The following PLCL1 variants were observed in gnomAD, a reference collection of about 807,000 sequenced individuals.
The protein encoded by PLCL1 is phospholipase C like 1 (inactive).
PLCL1 carries 41 observed loss-of-function variants against 84.4 expected under a neutral mutation model. The observed-to-expected ratio is 0.49, with a 90% CI of 0.38 to 0.63. PLCL1 has a LOEUF of 0.63. Among genes scored for constraint, PLCL1 ranks in the 30% least tolerant of loss-of-function variants. PLCL1 has a pLI of 0.00. For missense variants in PLCL1, 1,206 were observed against 1,367.8 expected (o/e 0.88, Z 1.87); for synonymous variants, 490 against 488.3 (o/e 1.00, Z -0.05).
rs190866964 is a variant in PLCL1 at position 197,918,387 on chromosome 2, G to T, written c.240+113048G>T. ...GGATGAGAGCCTGGAACAGAAAGAG[G>T]GCGTTAGGCAAAAACTAAGGAAATT... On this transcript the variant is annotated intron_variant, in intron 1 of 5. Coordinates refer to ENST00000428675, the MANE Select transcript of PLCL1 (RefSeq NM_006226.4). Among the ~76,000 whole-genome samples the T allele has an allele frequency of 2.0e-5, 3 of 151,986 alleles. No individual in the cohort carries two copies. In the South Asian group the frequency reaches 6.2e-4, roughly 32 times the overall value.
At chr2:197,873,806 G>A (rs1476454787) in intron 1 of PLCL1, among the ~76,000 whole-genome samples, 5 of 152,180 alleles carry the variant, frequency 3.3e-5, no homozygotes, top group Middle Eastern at 3.4e-3. Flanking sequence ...CAGATTTTTG[G>A]CACACCACAA....
intron 1 of PLCL1, among the ~76,000 whole-genome samples, chr2:197,908,484 A>T (rs1559042061): frequency 6.6e-6 from 1 of 152,206 alleles, no homozygotes; most frequent in Non-Finnish European, 1.5e-5. Context: ...GGAGTTATTC[A>T]CAACAAGTCT....
At chr2:198,104,182 C>G (rs976343298) in intron 5 of PLCL1, among the ~76,000 whole-genome samples, 1 of 151,898 alleles carries the variant, frequency 6.6e-6, no homozygotes, top group Non-Finnish European at 1.5e-5. Flanking sequence ...TTGACCCTCT[C>G]TCTCCTCCCA....
At chr2:197,946,656 T>C (rs923905128) in intron 1 of PLCL1, among the ~76,000 whole-genome samples, 1 of 152,340 alleles carries the variant, frequency 6.6e-6, no homozygotes, top group Non-Finnish European at 1.5e-5. Flanking sequence ...CCTGAGTACC[T>C]GGCCTCCTCT....
At chr2:197,895,827 G>GAACA (rs954819597) in intron 1 of PLCL1, among the ~76,000 whole-genome samples, 2 of 151,846 alleles carry the variant, frequency 1.3e-5, no homozygotes, top group African/African-American at 2.4e-5. Flanking sequence ...AAGGAGAATG[G>GAACA]AACACATCAG....
At chr2:197,859,849 G>A (rs1351820819) in intron 1 of PLCL1, among the ~76,000 whole-genome samples, 1 of 152,108 alleles carries the variant, frequency 6.6e-6, no homozygotes, top group African/African-American at 2.4e-5. Context: ...GCCTAACAGT[G>A]CACATTACAG....
intron 1 of PLCL1, among the ~76,000 whole-genome samples, chr2:198,047,277 A>G (rs1232619557): frequency 6.6e-6 from 1 of 151,916 alleles, no homozygotes; most frequent in Non-Finnish European, 1.5e-5. Flanking sequence ...TCTGCCACCT[A>G]GGTTCAAGTG....
chr2:197,943,043 C>CA (rs1463613458), intron 1 of PLCL1, among the ~76,000 whole-genome samples: 1 of 150,858 alleles, frequency 6.6e-6, no homozygotes, highest in Non-Finnish European at 1.5e-5. Context: ...CTTGTCTGTA[C>CA]AAAAAAACAA....
At chr2:197,933,227 C>T (rs960740046) in intron 1 of PLCL1, among the ~76,000 whole-genome samples, 1 of 151,210 alleles carries the variant, frequency 6.6e-6, no homozygotes, top group African/African-American at 2.4e-5. Context: ...TTCCTGACTC[C>T]CATCTGATGT....
At chr2:198,110,572 G>A (rs950839217) in intron 5 of PLCL1, among the ~76,000 whole-genome samples, 2 of 151,886 alleles carry the variant, frequency 1.3e-5, no homozygotes, top group African/African-American at 4.8e-5. Context: ...AACAGATGAT[G>A]GGCTAATGGG....
intron 1 of PLCL1, among the ~76,000 whole-genome samples, chr2:197,919,661 G>T (rs1358257148): frequency 6.6e-6 from 1 of 152,232 alleles, no homozygotes; most frequent in Non-Finnish European, 1.5e-5. Flanking sequence ...AAGAGAGGAA[G>T]TGACTTATGT....
chr2:197,961,457 T>A (rs1280854594), intron 1 of PLCL1, among the ~76,000 whole-genome samples: 1 of 152,070 alleles, frequency 6.6e-6, no homozygotes, highest in African/African-American at 2.4e-5. Context: ...AGCTTTTTTA[T>A]TTTTAAATCT....
At chr2:197,843,964 C>T (rs1031783782) in intron 1 of PLCL1, among the ~76,000 whole-genome samples, 4 of 152,054 alleles carry the variant, frequency 2.6e-5, no homozygotes, top group Non-Finnish European at 5.9e-5. Flanking sequence ...TTTGAGGGAA[C>T]ATGTATTGGT....
intron 1 of PLCL1, among the ~76,000 whole-genome samples, chr2:198,029,941 C>A (rs1383918607): frequency 2.0e-5 from 3 of 151,826 alleles, no homozygotes; most frequent in African/African-American, 7.3e-5. Flanking sequence ...CTCAAATGAT[C>A]CACCTGCCTC....
chr2:197,894,517 A>G (rs1688095523), intron 1 of PLCL1, among the ~76,000 whole-genome samples: 1 of 151,950 alleles, frequency 6.6e-6, no homozygotes, highest in South Asian at 2.1e-4. Context: ...CAGTATAACT[A>G]GCTCATTTTT....
intron 1 of PLCL1, among the ~76,000 whole-genome samples, chr2:197,876,190 C>A (rs1687729186): frequency 6.6e-6 from 1 of 152,142 alleles, no homozygotes; most frequent in African/African-American, 2.4e-5. Flanking sequence ...ATTGTGCCTG[C>A]CTCTGCAGGA....
chr2:197,956,287 A>G (rs559299272), intron 1 of PLCL1, among the ~76,000 whole-genome samples: 1 of 152,208 alleles, frequency 6.6e-6, no homozygotes, highest in East Asian at 1.9e-4. Flanking sequence ...CATATGTACC[A>G]CATTTTCCAC....
At chr2:197,990,977 G>A (rs2105812525) in intron 1 of PLCL1, among the ~76,000 whole-genome samples, 1 of 152,232 alleles carries the variant, frequency 6.6e-6, no homozygotes, top group East Asian at 1.9e-4. Context: ...TAATCCTGGA[G>A]GGAGTGAAGG....
chr2:197,882,175 G>A (rs533721484), intron 1 of PLCL1, among the ~76,000 whole-genome samples: 8 of 152,188 alleles, frequency 5.3e-5, no homozygotes, highest in African/African-American at 1.9e-4. Context: ...CAGTTATTGG[G>A]AATCCTAATT....
Sources: allele counts gnomAD v4.1 joint callset (sites outside exome capture counted in the v4.1 genomes callset), GRCh38; gene constraint gnomAD v4.1.1; transcripts MANE v1.5; gene names NCBI Gene and HGNC (gene_info 2026-07-23, HGNC 2026-07-21).